CDH18: variants seen among roughly 807,000 people sequenced by gnomAD.
The protein encoded by CDH18 is cadherin-18.
A neutral mutation model predicts 67.9 loss-of-function variants in CDH18; 31 were observed. The ratio of observed to expected loss-of-function variants is 0.46; its 90% CI spans 0.34 to 0.62. The LOEUF (loss-of-function observed/expected upper bound fraction) is 0.62. CDH18 is among the 20% of genes least tolerant of loss of function. CDH18 has a pLI of 0.01. For missense variants in CDH18, 890 were observed against 975.5 expected, an observed-to-expected ratio of 0.91 and a Z score of 1.17; for synonymous variants, 362 against 347.2, an observed-to-expected ratio of 1.04 and a Z score of -0.48.
chr5:19,942,547 A>T (rs1794925170), intron 2 of CDH18, among the ~76,000 whole-genome samples: 1 of 152,172 alleles, frequency 6.6e-6, no homozygotes, highest in Admixed American at 6.5e-5. Flanking sequence ...GGTAACTTTG[A>T]TCCTTGACTT....
chr5:20,194,266 T>C (rs1444877476), intron 2 of CDH18, among the ~76,000 whole-genome samples: 1 of 152,102 alleles, frequency 6.6e-6, no homozygotes, highest in Non-Finnish European at 1.5e-5. Context: ...TTCAGCAAAG[T>C]CTCAGGATAC....
chr5:20,408,024 G>T (rs1343386332), intron 1 of CDH18, among the ~76,000 whole-genome samples: 1 of 151,912 alleles, frequency 6.6e-6, no homozygotes, highest in Non-Finnish European at 1.5e-5. Flanking sequence ...AGAAAAAAGA[G>T]ACTTATAACA....
At chr5:20,262,832 G>A (rs1183988608) in intron 1 of CDH18, among the ~76,000 whole-genome samples, 2 of 151,778 alleles carry the variant, frequency 1.3e-5, no homozygotes, top group Non-Finnish European at 2.9e-5. Context: ...AAACACTGGT[G>A]CCTTTGCATA....
At position 20,464,887 on chromosome 5, in the gene CDH18, A is replaced by G. The variant is rs113410144; in HGVS notation, c.-580+110575T>C. Among the ~76,000 whole-genome samples the G allele has an allele frequency of 4.6e-4, 70 of 152,250 alleles. 2 individuals are homozygous for G. Among genetic ancestry groups the G allele is most frequent in the African/African-American group, 1.5e-3 (61 of 41,574 alleles). On this transcript the variant is annotated intron_variant, in intron 1 of 14. Coordinates refer to the CDH18 transcript ENST00000507958. ...CCAAGTTGATGAAGAACAGAGAACA[A>G]AAGGAGAAAAGTTAATAAAACTCAC...
chr5:20,176,587 C>T (rs1342170770), intron 2 of CDH18, among the ~76,000 whole-genome samples: 1 of 152,126 alleles, frequency 6.6e-6, no homozygotes, highest in Non-Finnish European at 1.5e-5. Context: ...TGAATTTGTA[C>T]TTTCTGAGTC....
chr5:20,532,158 TAAA>T (rs1175764647), intron 1 of CDH18, among the ~76,000 whole-genome samples: 1 of 152,068 alleles, frequency 6.6e-6, no homozygotes. Flanking sequence ...AAAATGAACT[TAAA>T]GAAGACAACT....
chr5:20,100,790 AC>A (rs1251050705), intron 2 of CDH18, among the ~76,000 whole-genome samples: 2 of 151,822 alleles, frequency 1.3e-5, no homozygotes, highest in African/African-American at 4.8e-5. Flanking sequence ...GAATATCCCC[AC>A]TACACCTCTG....
Position 20,275,432 on chromosome 5 carries a change from C to T in CDH18, c.-579-19927G>A, listed in dbSNP as rs529058801. Among the ~76,000 whole-genome samples, 6 of 152,258 alleles carry T rather than the reference C, an allele frequency of 3.9e-5. No homozygotes were observed. In the South Asian group the frequency reaches 1.2e-3, roughly 32 times the overall value. ...CTCCTTATCATGCTTCCTGTTAAGC[C>T]TGCTCAACTGTGAGTCAGGTAAACC... On this transcript the variant is annotated intron_variant, in intron 1 of 14. Coordinates refer to the CDH18 transcript ENST00000507958.
rs935096562 is a variant in CDH18, at chr5:20,509,031, T to C, written c.-580+66431A>G. Among the ~76,000 whole-genome samples the C allele has an allele frequency of 2.0e-5, 3 of 152,328 alleles. No individual in the cohort carries two copies. In the East Asian group the frequency reaches 5.8e-4, roughly 29 times the overall value. Reference sequence around the variant, plus strand: ...AACATTTTGATATTTGTATATACTGTGCAATGACTAAATTGAGTTAATTAA... The same window carrying C: ...AACATTTTGATATTTGTATATACTGCGCAATGACTAAATTGAGTTAATTAA... On this transcript the variant is annotated intron_variant, in intron 1 of 14. Transcript: ENST00000507958.
intron 1 of CDH18, among the ~76,000 whole-genome samples, chr5:20,505,282 G>C (rs2457043): frequency 6.6e-6 from 1 of 151,858 alleles, no homozygotes; most frequent in Non-Finnish European, 1.5e-5. Context: ...GGACAAATTG[G>C]AGAAGTTTTA....
At chr5:20,094,248 C>A (rs557725375) in intron 2 of CDH18, among the ~76,000 whole-genome samples, 1 of 152,234 alleles carries the variant, frequency 6.6e-6, no homozygotes, top group Non-Finnish European at 1.5e-5. Context: ...TTAGTAAATA[C>A]TCACTAGAAA....
chr5:19,799,158 A>C (rs1581400229), intron 3 of CDH18, among the ~76,000 whole-genome samples: 2 of 152,192 alleles, frequency 1.3e-5, no homozygotes. Flanking sequence ...ACAGAAGAGC[A>C]AATACTACAT....
chr5:19,819,909 A>G (rs998114618), intron 3 of CDH18, among the ~76,000 whole-genome samples: 1 of 152,030 alleles, frequency 6.6e-6, no homozygotes, highest in Non-Finnish European at 1.5e-5. Flanking sequence ...CCATAAGAGG[A>G]GGCACACAGC....
At chr5:19,785,823 A>G (rs944046540) in intron 3 of CDH18, among the ~76,000 whole-genome samples, 1 of 149,298 alleles carries the variant, frequency 6.7e-6, no homozygotes, top group Non-Finnish European at 1.5e-5. Flanking sequence ...TATAATACAT[A>G]AAAACACTTA....
chr5:20,301,134 C>T (rs1411597317), intron 1 of CDH18, among the ~76,000 whole-genome samples: 1 of 151,986 alleles, frequency 6.6e-6, no homozygotes, highest in African/African-American at 2.4e-5. Context: ...ACACTTGCTT[C>T]CTTACAAGGT....
intron 2 of CDH18, among the ~76,000 whole-genome samples, chr5:19,959,300 A>T (rs1328528260): frequency 6.6e-6 from 1 of 152,022 alleles, no homozygotes; most frequent in Non-Finnish European, 1.5e-5. Flanking sequence ...TTATTTATTT[A>T]AAAATATTAT....
intron 1 of CDH18, among the ~76,000 whole-genome samples, chr5:20,402,256 C>G (rs991545908): frequency 1.3e-5 from 2 of 152,158 alleles, no homozygotes; most frequent in Non-Finnish European, 2.9e-5. Flanking sequence ...GAATGTCTCT[C>G]AATCTGAGAT....
chr5:20,457,623 G>T (rs926394018), intron 1 of CDH18, among the ~76,000 whole-genome samples: 1 of 152,106 alleles, frequency 6.6e-6, no homozygotes, highest in Non-Finnish European at 1.5e-5. Context: ...AAATCATGGG[G>T]TTATAGTATG....
intron 2 of CDH18, among the ~76,000 whole-genome samples, chr5:20,063,185 T>C (rs1397697940): frequency 6.6e-6 from 1 of 151,614 alleles, no homozygotes; most frequent in Non-Finnish European, 1.5e-5. Context: ...TAGGATATAA[T>C]TGAATCAGCT....
Sources: gnomAD v4.1 joint callset for allele counts (sites outside exome capture counted in the v4.1 genomes callset) on GRCh38, gnomAD v4.1.1 for gene constraint, MANE v1.5 for transcripts, NCBI Gene and HGNC (gene_info 2026-07-23, HGNC 2026-07-21) for gene names.